The following ROCK2 variants were observed in gnomAD, a reference collection of about 807,000 sequenced individuals.
ROCK2 encodes rho-associated protein kinase 2.
In ROCK2, 61 loss-of-function variants were observed where a neutral mutation model predicts 195.1. The observed-to-expected ratio is 0.31, with a 90% CI of 0.25 to 0.39. The LOEUF (loss-of-function observed/expected upper bound fraction) is 0.39, where lower values mean the gene tolerates loss of function less well. Among genes scored for constraint, ROCK2 ranks in the 10% least tolerant of loss-of-function variants. The pLI is 1.00. For synonymous variants in ROCK2, 504 were observed against 545.5 expected, an observed-to-expected ratio of 0.92 and a Z score of 1.06; for missense variants, 1,109 against 1,637.4, an observed-to-expected ratio of 0.68 and a Z score of 5.57.
chr2:11,318,831 G>A (rs769603268), intron 1 of ROCK2, among the ~76,000 whole-genome samples: 2 of 152,232 alleles, frequency 1.3e-5, no homozygotes, highest in Non-Finnish European at 2.9e-5. Flanking sequence ...TGGCCAGCCA[G>A]TTCTCCCAGC....
intron 9 of ROCK2, among the ~76,000 whole-genome samples, chr2:11,219,403 C>T (rs936415426): frequency 2.7e-5 from 4 of 150,124 alleles, no homozygotes; most frequent in East Asian, 2.0e-4. Context: ...ACCAGCTACT[C>T]GGGAGGCTGA....
In ROCK2 at chr2:11,249,688, G is replaced by A. The variant is rs2230773; in HGVS notation, c.435C>T (p.Ala145=). 9.4e-4 allele frequency: 1,471 copies of A among 1,572,262 alleles called. 31 individuals are homozygous for A. In the East Asian group the frequency reaches 0.029, roughly 32 times the overall value. The change falls in exon 4 of 33, where the codon GCC becomes GCT. Residue 145 remains alanine (A), a synonymous_variant. Coordinates refer to ENST00000315872, the MANE Select transcript of ROCK2 (RefSeq NM_004850.5). ...GAACCACCCAGGGGCTATTGGCAAA[G>A]GCCATAATATCTCTTTCTTCCCAAA... ...AFFWEERDIM[A]FANSPWVVQL...
At chr2:11,329,405 C>T (rs970967192) in intron 1 of ROCK2, among the ~76,000 whole-genome samples, 3 of 150,706 alleles carry the variant, frequency 2.0e-5, no homozygotes, top group Non-Finnish European at 4.4e-5. Context: ...CAAATATTTA[C>T]ATTATATCAT....
intron 1 of ROCK2, among the ~76,000 whole-genome samples, chr2:11,340,867 G>A (rs1420528295): frequency 6.6e-6 from 1 of 152,100 alleles, no homozygotes; most frequent in Non-Finnish European, 1.5e-5. Flanking sequence ...GAGTCCTACA[G>A]GTTATTGTGA....
chr2:11,208,560 T>A (rs1388584335), intron 18 of ROCK2, 113 bp from the exon 19 acceptor site: 5 of 486,316 alleles, frequency 1.0e-5, no homozygotes, highest in Non-Finnish European at 1.7e-5. Flanking sequence ...TTATAATAAA[T>A]GATGCTGCCT....
chr2:11,287,608 T>A, intron 2 of ROCK2, 47 bp downstream of exon 2: 1 of 544,860 alleles, frequency 1.8e-6, no homozygotes, highest in South Asian at 6.1e-5. Context: ...AAATCTCTTA[T>A]CAAAAGTAGA....
chr2:11,269,576 CG>C (rs1440353660), intron 3 of ROCK2, among the ~76,000 whole-genome samples: 1 of 151,702 alleles, frequency 6.6e-6, no homozygotes, highest in Non-Finnish European at 1.5e-5. Context: ...TTTTCAAGGA[CG>C]GTTTCTTTTG....
chr2:11,238,209 AGTGTGTGT>A (rs6146630), intron 4 of ROCK2, among the ~76,000 whole-genome samples: 4 of 135,264 alleles, frequency 3.0e-5, no homozygotes, highest in African/African-American at 8.8e-5. Context: ...ATTGAGAAAG[AGTGTGTGT>A]GTGTGTGTGT....
In ROCK2 at chr2:11,235,678, G is replaced by A. The variant is rs769148717; in HGVS notation, c.723+24C>T. 10 of 1,585,654 alleles carry A rather than the reference G, an allele frequency of 6.3e-6. No individual in the cohort carries two copies. The highest frequency in any genetic ancestry group is 1.2e-5 in the South Asian group (1 of 85,572). On this transcript the variant is annotated intron_variant, in intron 5 of 32. Transcript: ENST00000315872. The surrounding 1 kb of genome is among the most constrained non-coding windows in gnomAD (Gnocchi z 4.2). ...TATTTCTGTCCCTCAAAACACTATC[G>A]TTTTAAATAATTTGCTTACTTACTT...
In ROCK2 at chr2:11,254,381, G is replaced by A. The variant is rs112173453; in HGVS notation, c.325-4583C>T. On this transcript the variant is annotated intron_variant, in intron 3 of 32. Coordinates refer to ENST00000315872, the MANE Select transcript of ROCK2 (RefSeq NM_004850.5). ...CTGAGTTGAGGAGGCAGAGATCAGA[G>A]TTTAAGACAAATGAAGCAGCTAAAT... Among the ~76,000 whole-genome samples the A allele has an allele frequency of 6.3e-3, 955 of 152,264 alleles. 3 individuals carry two copies. The highest frequency in any genetic ancestry group is 0.022 in the African/African-American group (907 of 41,546).
chr2:11,228,473 G>A (rs539701344), intron 5 of ROCK2, among the ~76,000 whole-genome samples: 12 of 152,196 alleles, frequency 7.9e-5, no homozygotes, highest in African/African-American at 2.2e-4. Context: ...AGTGTGAATA[G>A]AAATTTAAAA....
intron 6 of ROCK2, among the ~76,000 whole-genome samples, chr2:11,226,225 T>C (rs1664806452): frequency 6.6e-6 from 1 of 152,202 alleles, no homozygotes; most frequent in Non-Finnish European, 1.5e-5. Flanking sequence ...AGCCAGAAGG[T>C]ACTAGTATTT....
intron 3 of ROCK2, among the ~76,000 whole-genome samples, chr2:11,280,400 G>C (rs567450386): frequency 6.6e-6 from 1 of 151,510 alleles, no homozygotes; most frequent in East Asian, 1.9e-4. Flanking sequence ...GAGGCGGGCG[G>C]ATCACCTGAG....
At chr2:11,264,849 G>C (rs1229388365) in intron 3 of ROCK2, among the ~76,000 whole-genome samples, 2 of 152,160 alleles carry the variant, frequency 1.3e-5, no homozygotes, top group Non-Finnish European at 2.9e-5. Flanking sequence ...ATATTACTAA[G>C]AGTTTGAGTG....
intron 1 of ROCK2, among the ~76,000 whole-genome samples, chr2:11,295,451 AAC>A (rs1572374439): frequency 6.6e-6 from 1 of 152,180 alleles, no homozygotes; most frequent in African/African-American, 2.4e-5. Context: ...TCCAGGATAT[AAC>A]ACATACATGC....
chr2:11,219,448 T>C (rs1469869410), intron 9 of ROCK2, among the ~76,000 whole-genome samples: 1 of 150,864 alleles, frequency 6.6e-6, no homozygotes, highest in East Asian at 2.0e-4. Flanking sequence ...GAGGTGGAGG[T>C]TGCAGTGAGC....
chr2:11,265,273 A>C (rs1227003860), intron 3 of ROCK2, among the ~76,000 whole-genome samples: 1 of 152,204 alleles, frequency 6.6e-6, no homozygotes, highest in Non-Finnish European at 1.5e-5. Context: ...ATTTATCTTC[A>C]GAAATGGGCA....
chr2:11,336,599 T>G (rs1668935580), intron 1 of ROCK2, among the ~76,000 whole-genome samples: 1 of 152,170 alleles, frequency 6.6e-6, no homozygotes, highest in Non-Finnish European at 1.5e-5. Flanking sequence ...GAACCAGGAC[T>G]GATGATCCGG....
intron 27 of ROCK2, 127 bp from the exon 28 acceptor site, chr2:11,195,152 C>T (rs1456515700): frequency 1.9e-6 from 1 of 522,664 alleles, no homozygotes. Flanking sequence ...TATCACTATA[C>T]ATCATCTAGG....
Sources: gnomAD v4.1 joint callset for allele counts (sites outside exome capture counted in the v4.1 genomes callset) on GRCh38, gnomAD v4.1.1 for gene constraint, Gnocchi (gnomAD v3.1) non-coding constraint, MANE v1.5 for transcripts, NCBI Gene and HGNC (gene_info 2026-07-23, HGNC 2026-07-21) for gene names.